The following KATNIP variants were observed in gnomAD, a reference collection of about 807,000 sequenced individuals.
KATNIP encodes the protein katanin-interacting protein.
A neutral mutation model predicts 174.0 loss-of-function variants in KATNIP; 126 were observed. The observed-to-expected ratio is 0.72, with a 90% CI of 0.63 to 0.84. KATNIP has a LOEUF of 0.84. KATNIP is among the 40% of genes least tolerant of loss of function. The pLI, the probability that KATNIP is intolerant of heterozygous loss-of-function variation, is 0.00. For missense variants in KATNIP, 1,958 were observed against 2,109.7 expected (o/e 0.93, Z 1.41); for synonymous variants, 810 against 835.7 (o/e 0.97, Z 0.53).
At chr16:27,561,726 T>C (rs1339618826) in intron 1 of KATNIP, among the ~76,000 whole-genome samples, 1 of 152,166 alleles carries the variant, frequency 6.6e-6, no homozygotes, top group Non-Finnish European at 1.5e-5. Context: ...GTTTTCCCTG[T>C]AACGAGTCCC....
rs1420077261 is a variant in KATNIP at position 27,701,701 on chromosome 16, A to G, written c.1286+6A>G. On this transcript the variant is annotated splice_donor_region_variant and intron_variant, in intron 11 of 27. Transcript: ENST00000261588. ...ATTGGGCTTCTGGGAAGCAGGTACT[A>G]CTAAGGCTGAGGCCAAACCCGAAAC... 2.3e-5 allele frequency: 36 copies of G among 1,583,950 alleles called. No individual in the cohort carries two copies. The highest frequency in any genetic ancestry group is 9.5e-6 in the Non-Finnish European group (11 of 1,163,328).
chr16:27,626,067 C>G (rs2076325139), intron 3 of KATNIP, among the ~76,000 whole-genome samples: 1 of 152,070 alleles, frequency 6.6e-6, no homozygotes, highest in Non-Finnish European at 1.5e-5. Context: ...CCAGGCTAAT[C>G]TCAGAACGCC....
chr16:27,608,695 A>G (rs1430444827), intron 2 of KATNIP, among the ~76,000 whole-genome samples: 1 of 152,010 alleles, frequency 6.6e-6, no homozygotes, highest in Non-Finnish European at 1.5e-5. Context: ...TTTTTAAAAA[A>G]CACTTTTGTA....
At chr16:27,726,160 C>T (rs559035583) in intron 14 of KATNIP, among the ~76,000 whole-genome samples, 19 of 152,254 alleles carry the variant, frequency 1.2e-4, no homozygotes, top group Non-Finnish European at 2.4e-4. Context: ...ATTGCACATG[C>T]GAAGGATCTA....
At chr16:27,716,913 C>T (rs1028109825) in intron 13 of KATNIP, among the ~76,000 whole-genome samples, 6 of 152,096 alleles carry the variant, frequency 3.9e-5, no homozygotes, top group East Asian at 3.9e-4. Flanking sequence ...GGGGCGATCT[C>T]GGCTCACTGC....
intron 3 of KATNIP, among the ~76,000 whole-genome samples, chr16:27,622,125 C>A (rs1312501619): frequency 6.6e-6 from 1 of 152,038 alleles, no homozygotes; most frequent in East Asian, 1.9e-4. Context: ...GGTGCTGTAC[C>A]CAGTGGAGAT....
At chr16:27,758,834 A>C (rs2081837935) in intron 18 of KATNIP, among the ~76,000 whole-genome samples, 1 of 152,130 alleles carries the variant, frequency 6.6e-6, no homozygotes, top group African/African-American at 2.4e-5. Context: ...CATAGTGTTC[A>C]TCACTCTTGG....
chr16:27,741,896 C>T lies in KATNIP; in HGVS notation c.2623+976C>T, dbSNP rs181093413. ...CAGCCTGGGCAAGAGAGTGAGACTC[C>T]GTCTCAAAAAAAAATAATGAATGCA... On this transcript the variant is annotated intron_variant, in intron 15 of 27. Coordinates refer to ENST00000261588, the MANE Select transcript of KATNIP (RefSeq NM_015202.5). 3.5e-3 allele frequency among the ~76,000 whole-genome samples: 535 copies of T among 151,812 alleles called. 7 individuals carry two copies. Among genetic ancestry groups the T allele is most frequent in the African/African-American group, 0.012 (500 of 41,418 alleles).
intron 6 of KATNIP, among the ~76,000 whole-genome samples, chr16:27,652,541 T>C (rs1409126373): frequency 6.6e-6 from 1 of 152,160 alleles, no homozygotes; most frequent in Non-Finnish European, 1.5e-5. Flanking sequence ...TGTCTCTTGC[T>C]GGGCGCTGTG....
chr16:27,757,465 G>C (rs2081779963), intron 18 of KATNIP: 1 of 984,094 alleles, frequency 1.0e-6, no homozygotes, highest in Non-Finnish European at 1.2e-6. Context: ...AGCAGCCACT[G>C]TCCCCTTCAT....
chr16:27,568,537 T>G (rs949051629), intron 1 of KATNIP, among the ~76,000 whole-genome samples: 3 of 152,084 alleles, frequency 2.0e-5, no homozygotes, highest in Admixed American at 1.3e-4. Context: ...CAATCTCGGC[T>G]CTGTGCAACC....
At chr16:27,706,307 C>T (rs1009890522) in intron 12 of KATNIP, among the ~76,000 whole-genome samples, 1 of 152,184 alleles carries the variant, frequency 6.6e-6, no homozygotes, top group Non-Finnish European at 1.5e-5. Flanking sequence ...GTGCTTGCAC[C>T]GACCTGTGCT....
chr16:27,761,637 G>C, intron 19 of KATNIP, 47 bp downstream of exon 19: 1 of 1,528,858 alleles, frequency 6.5e-7, no homozygotes, highest in Non-Finnish European at 9.0e-7. Flanking sequence ...TGGGTTTTGG[G>C]GACATTGTTC....
At chr16:27,654,025 G>A (rs996075943) in intron 6 of KATNIP, among the ~76,000 whole-genome samples, 1 of 152,100 alleles carries the variant, frequency 6.6e-6, no homozygotes, top group African/African-American at 2.4e-5. Flanking sequence ...ACCCTGGCTG[G>A]AGTGCAGTGG....
At chr16:27,636,033 G>A (rs2142210435) in intron 5 of KATNIP, among the ~76,000 whole-genome samples, 1 of 152,156 alleles carries the variant, frequency 6.6e-6, no homozygotes, top group East Asian at 1.9e-4. Flanking sequence ...CACACCTCTA[G>A]TCCCAGCTAC....
chr16:27,634,587 C>CT (rs1437462242), intron 5 of KATNIP, among the ~76,000 whole-genome samples: 1 of 152,198 alleles, frequency 6.6e-6, no homozygotes, highest in African/African-American at 2.4e-5. Flanking sequence ...TCCATGCCTG[C>CT]TGGGACAGCG....
intron 24 of KATNIP, among the ~76,000 whole-genome samples, chr16:27,775,748 G>T (rs904633040): frequency 1.3e-5 from 2 of 152,224 alleles, no homozygotes; most frequent in Admixed American, 1.3e-4. Context: ...GAGATGCACA[G>T]CGGGTTCTTG....
intron 1 of KATNIP, among the ~76,000 whole-genome samples, chr16:27,570,971 A>G (rs1035879139): frequency 2.0e-5 from 3 of 152,220 alleles, no homozygotes; most frequent in Non-Finnish European, 4.4e-5. Context: ...AGGGGAAAAA[A>G]AAGTTTTCAA....
intron 8 of KATNIP, among the ~76,000 whole-genome samples, chr16:27,691,622 C>T (rs911849708): frequency 3.3e-5 from 5 of 152,204 alleles, no homozygotes; most frequent in Admixed American, 6.5e-5. Flanking sequence ...AACTGGGGCG[C>T]CATGTAGGAC....
Sources: allele counts gnomAD v4.1 joint callset (sites outside exome capture counted in the v4.1 genomes callset), GRCh38; gene constraint gnomAD v4.1.1; transcripts MANE v1.5; gene names NCBI Gene and HGNC (gene_info 2026-07-23, HGNC 2026-07-21).